The following CCDC148 variants were observed in gnomAD, a reference collection of about 807,000 sequenced individuals.
CCDC148 encodes coiled-coil domain-containing protein 148.
In CCDC148, 89 loss-of-function variants were observed where a neutral mutation model predicts 85.7. The ratio of observed to expected loss-of-function variants is 1.04; its 90% CI spans 0.87 to 1.24. CCDC148 has a LOEUF of 1.24. Among genes scored for constraint, CCDC148 ranks in the 50% most tolerant of loss-of-function variants. The pLI, the probability that CCDC148 is intolerant of heterozygous loss-of-function variation, is 0.00. For synonymous variants in CCDC148, 230 were observed against 213.9 expected (o/e 1.08, Z -0.66); for missense variants, 692 against 671.7 (o/e 1.03, Z -0.33).
intron 7 of CCDC148, among the ~76,000 whole-genome samples, chr2:158,333,346 C>T (rs1016460410): frequency 3.3e-5 from 5 of 152,100 alleles, no homozygotes; most frequent in Non-Finnish European, 5.9e-5. Flanking sequence ...TTTCTTAATC[C>T]TGAGTTCTAA....
At chr2:158,343,243 CAG>C (rs959525969) in intron 3 of CCDC148, among the ~76,000 whole-genome samples, 1 of 152,206 alleles carries the variant, frequency 6.6e-6, no homozygotes, top group African/African-American at 2.4e-5. Context: ...GTGATGTAAA[CAG>C]AATCCTGTAG....
chr2:158,345,684 T>C (rs1682961756), intron 2 of CCDC148, among the ~76,000 whole-genome samples: 1 of 152,190 alleles, frequency 6.6e-6, no homozygotes, highest in Non-Finnish European at 1.5e-5. Context: ...TCAGGCATAA[T>C]AGCCATCTTT....
At chr2:158,277,766 T>C (rs1690027647) in intron 9 of CCDC148, among the ~76,000 whole-genome samples, 1 of 152,160 alleles carries the variant, frequency 6.6e-6, no homozygotes, top group Non-Finnish European at 1.5e-5. Flanking sequence ...CCAGCTAATT[T>C]TTTGTATTTT....
chr2:158,298,860 A>C (rs1054425217), intron 9 of CCDC148, among the ~76,000 whole-genome samples: 1 of 152,132 alleles, frequency 6.6e-6, no homozygotes, highest in Non-Finnish European at 1.5e-5. Context: ...TCTCTGAGAC[A>C]GTTTCTTTCC....
rs755374011 is a variant in CCDC148, at chr2:158,172,212, A to G, written c.1677T>C (p.Ala559=). ...TAGCATAAAGTGTTCTATGAAGTCC[A>G]GCTTCTCGAAGTGCTAACTCGAAGC... is the stretch of plus-strand genomic sequence containing the variant. The part of the protein sequence containing the change: ...RLRFELALRE[A]GLHRTLYAKE... The change falls in exon 14 of 14, where the codon GCT becomes GCC. Residue 559 remains alanine, a synonymous_variant. Transcript: ENST00000283233. 31 of 1,608,946 alleles carry G rather than the reference A, an allele frequency of 1.9e-5. No individual in the cohort carries two copies. The highest frequency in any genetic ancestry group is 4.2e-6 in the Non-Finnish European group (5 of 1,177,588).
At chr2:158,299,644 A>G (rs1409082194) in intron 9 of CCDC148, among the ~76,000 whole-genome samples, 1 of 152,200 alleles carries the variant, frequency 6.6e-6, no homozygotes. Context: ...TCAAGTTTCT[A>G]TAGTTGCTTA....
Position 158,456,670 on chromosome 2 carries a change from C to G in CCDC148, c.-231G>C, listed in dbSNP as rs969138619. ...ATCTCCCTGTCCTCTCCGCCACCCC[C>G]TCCCGCGCCCGAGACCTGAGACACC... On this transcript the variant is annotated 5_prime_UTR_variant, in exon 1 of 14. Transcript: ENST00000283233. 11 of 585,436 alleles carry G rather than the reference C, an allele frequency of 1.9e-5. No individual in the cohort carries two copies. Among genetic ancestry groups the G allele is most frequent in the South Asian group, 1.7e-4 (8 of 47,754 alleles). The allele number at this position is 585,436 out of a possible 1,614,324, so 36.3% of individuals were successfully genotyped here.
chr2:158,348,738 C>A (rs1204297518), intron 2 of CCDC148, among the ~76,000 whole-genome samples: 2 of 151,974 alleles, frequency 1.3e-5, no homozygotes, highest in Admixed American at 1.3e-4. Context: ...AAAAGTTGAT[C>A]ATTGTTGAAG....
chr2:158,334,803 A>T (rs1238998448), intron 7 of CCDC148, among the ~76,000 whole-genome samples: 2 of 151,980 alleles, frequency 1.3e-5, no homozygotes, highest in East Asian at 1.9e-4. Flanking sequence ...TTTTGATTTT[A>T]AAAAATATAT....
chr2:158,448,716 T>C (rs1315073173), intron 1 of CCDC148, among the ~76,000 whole-genome samples: 1 of 152,190 alleles, frequency 6.6e-6, no homozygotes, highest in East Asian at 1.9e-4. Flanking sequence ...GAGATGACAT[T>C]TAATCTATAG....
intron 10 of CCDC148, among the ~76,000 whole-genome samples, chr2:158,236,671 C>T (rs1688122209): frequency 6.6e-6 from 1 of 152,054 alleles, no homozygotes; most frequent in African/African-American, 2.4e-5. Flanking sequence ...GAGGCAAAAC[C>T]CACAGAGCCT....
chr2:158,294,769 A>T (rs1371469528), intron 9 of CCDC148, among the ~76,000 whole-genome samples: 2 of 146,144 alleles, frequency 1.4e-5, no homozygotes, highest in African/African-American at 2.5e-5. Context: ...GGTTGCAGTG[A>T]GCTGGGATCT....
At position 158,453,823 on chromosome 2, in the gene CCDC148, C is replaced by T. The variant is rs528635987; in HGVS notation, c.25+2592G>A. On this transcript the variant is annotated intron_variant, in intron 1 of 13. Transcript: ENST00000283233. ...TGTTTGGATTTCTGCTGTTTACTTTCGTTCTTGAGGGTGGAGTCACCAGAC... is the reference window on the plus strand; with the variant it reads ...TGTTTGGATTTCTGCTGTTTACTTTTGTTCTTGAGGGTGGAGTCACCAGAC... Among the ~76,000 whole-genome samples the T allele has an allele frequency of 1.2e-4, 19 of 152,292 alleles. No homozygotes were observed. In the East Asian group the frequency reaches 3.1e-3, roughly 25 times the overall value.
chr2:158,356,988 A>C (rs36137404), intron 2 of CCDC148, among the ~76,000 whole-genome samples: 1 of 149,968 alleles, frequency 6.7e-6, no homozygotes, highest in East Asian at 1.9e-4. Flanking sequence ...AGAACAAAAA[A>C]CCAAACACTG....
At chr2:158,212,964 G>A (rs1686659388) in intron 11 of CCDC148, among the ~76,000 whole-genome samples, 1 of 152,196 alleles carries the variant, frequency 6.6e-6, no homozygotes, top group Admixed American at 6.5e-5. Flanking sequence ...TTGAGAAAGT[G>A]TAGAAAGAAC....
At chr2:158,353,894 A>C (rs938510909) in intron 2 of CCDC148, among the ~76,000 whole-genome samples, 3 of 152,222 alleles carry the variant, frequency 2.0e-5, no homozygotes, top group African/African-American at 7.2e-5. Flanking sequence ...ACCACAGTGC[A>C]ATCAAACTGG....
intron 9 of CCDC148, among the ~76,000 whole-genome samples, chr2:158,255,453 G>A (rs1688972891): frequency 6.6e-6 from 1 of 151,636 alleles, no homozygotes; most frequent in African/African-American, 2.4e-5. Flanking sequence ...GAATCTGGTG[G>A]CAATTGAAAT....
intron 9 of CCDC148, among the ~76,000 whole-genome samples, chr2:158,305,989 T>C (rs1217589587): frequency 6.6e-6 from 1 of 152,122 alleles, no homozygotes. Context: ...TTATGCTAAG[T>C]GAACAAAGCC....
intron 7 of CCDC148, among the ~76,000 whole-genome samples, chr2:158,319,558 A>G (rs1160893880): frequency 6.6e-6 from 1 of 152,240 alleles, no homozygotes; most frequent in Non-Finnish European, 1.5e-5. Context: ...AAGAGAATGC[A>G]GAACACCAGA....
Sources: allele counts gnomAD v4.1 joint callset (sites outside exome capture counted in the v4.1 genomes callset), GRCh38; gene constraint gnomAD v4.1.1; transcripts MANE v1.5; gene names NCBI Gene and HGNC (gene_info 2026-07-23, HGNC 2026-07-21).